The following FRMPD3 variants were observed in gnomAD, a reference collection of about 807,000 sequenced individuals.
FRMPD3 encodes FERM and PDZ domain-containing protein 3.
Under a neutral mutation model 97.9 loss-of-function variants are expected in FRMPD3, and 42 were observed. The observed-to-expected ratio is 0.43, with a 90% confidence interval of 0.34 to 0.55. FRMPD3 has a LOEUF of 0.55. FRMPD3 is among the 20% of genes least tolerant of loss of function. The pLI is 0.03. For synonymous variants in FRMPD3, 577 were observed against 581.1 expected (o/e 0.99, Z 0.10); for missense variants, 1,303 against 1,457.7 (o/e 0.89, Z 1.73).
intron 1 of FRMPD3, among the ~76,000 whole-genome samples, chrX:107,479,865 C>CACACAG (rs548134899): frequency 6.9e-5 from 4 of 57,870 alleles, no homozygotes; most frequent in East Asian, 5.5e-4. Context: ...CACACACACA[C>CACACAG]AGAGAGAGAG....
At chrX:107,457,613 A>G (rs1339399767) in intron 1 of FRMPD3, among the ~76,000 whole-genome samples, 4 of 112,107 alleles carry the variant, frequency 3.6e-5, no homozygotes, top group Non-Finnish European at 7.5e-5. Flanking sequence ...TCCACCCAAT[A>G]TGGAGGCTGT....
intron 1 of FRMPD3, among the ~76,000 whole-genome samples, chrX:107,489,436 G>C (rs1921596986): frequency 9.0e-6 from 1 of 111,714 alleles, no homozygotes; most frequent in Non-Finnish European, 1.9e-5. Flanking sequence ...GGTTGAAAGA[G>C]TTTACAGTCC....
At chrX:107,599,673 C>T (rs1164248197) in intron 14 of FRMPD3, among the ~76,000 whole-genome samples, 1 of 112,405 alleles carries the variant, frequency 8.9e-6, no homozygotes. Flanking sequence ...GATTAGCATG[C>T]TGTTTTGCAT....
intron 1 of FRMPD3, among the ~76,000 whole-genome samples, chrX:107,468,044 T>C (rs745608216): frequency 9.9e-5 from 11 of 111,529 alleles, no homozygotes; most frequent in African/African-American, 3.6e-4. Flanking sequence ...CCGCATTGGG[T>C]TTCTGCAGAT....
At chrX:107,540,369 A>G (rs1921237104) in intron 4 of FRMPD3, among the ~76,000 whole-genome samples, 1 of 112,208 alleles carries the variant, frequency 8.9e-6, no homozygotes, top group Non-Finnish European at 1.9e-5. Flanking sequence ...GTTTTTTTTC[A>G]GTTACCAAAG....
intron 4 of FRMPD3, among the ~76,000 whole-genome samples, chrX:107,543,266 A>AT (rs1044289342): frequency 1.4e-4 from 16 of 110,894 alleles, no homozygotes; most frequent in Non-Finnish European, 2.5e-4. Flanking sequence ...GTGGTTTACA[A>AT]GGTCCTACAT....
At chrX:107,453,548 A>G (rs957322042) in intron 1 of FRMPD3, among the ~76,000 whole-genome samples, 2 of 111,614 alleles carry the variant, frequency 1.8e-5, no homozygotes, top group Non-Finnish European at 3.8e-5. Flanking sequence ...CCTTTTTACC[A>G]TAAGTTCAGA....
At chrX:107,595,675 C>T (rs763554380) in intron 13 of FRMPD3, among the ~76,000 whole-genome samples, 2 of 110,937 alleles carry the variant, frequency 1.8e-5, no homozygotes, top group Non-Finnish European at 3.8e-5. Flanking sequence ...CGGTGGGTCA[C>T]GCCTGTAATC....
intron 12 of FRMPD3, among the ~76,000 whole-genome samples, chrX:107,565,501 C>A (rs1471468339): frequency 9.0e-6 from 1 of 110,776 alleles, no homozygotes; most frequent in East Asian, 2.8e-4. Flanking sequence ...TGAGACCAGC[C>A]TGGGCAACAT....
In FRMPD3 at chrX:107,570,984, AT is replaced by A. The variant is rs1443316015; in HGVS notation, c.1297-5329del. 2.7e-5 allele frequency among the ~76,000 whole-genome samples: 3 copies of A among 111,898 alleles called. No homozygotes were observed. The Admixed American group carries it at 2.8e-4, about 11-fold the overall frequency. On this transcript the variant is annotated intron_variant, in intron 12 of 14. Transcript: ENST00000683843. ...ATTTGAAGATGGCCTGGGCATATTA[AT>A]TAGTTTTCACTCAGCTTACTTGCTC... is the stretch of plus-strand genomic sequence containing the variant.
intron 8 of FRMPD3, 51 bp from the exon 9 acceptor site, chrX:107,560,206 G>A: frequency 8.5e-7 from 1 of 1,181,395 alleles, no homozygotes; most frequent in Non-Finnish European, 1.1e-6. Context: ...TCAGGGGGTG[G>A]GGAAGGAATG....
At chrX:107,553,339 T>C (rs1418267237) in intron 7 of FRMPD3, among the ~76,000 whole-genome samples, 2 of 106,064 alleles carry the variant, frequency 1.9e-5, no homozygotes, top group Non-Finnish European at 3.9e-5. Flanking sequence ...CTCCCACTTA[T>C]CCTAGGACAA....
Position 107,604,711 on chromosome X carries a change from T to C in FRMPD3, c.*1338T>C, listed in dbSNP as rs1924750459. 1 of 110,026 alleles carries C rather than the reference T, an allele frequency of 9.1e-6. No homozygotes were observed. Among genetic ancestry groups the C allele is most frequent in the Non-Finnish European group, 1.9e-5 (1 of 52,751 alleles). 9.1% of individuals were successfully genotyped at this position (110,026 alleles called of 1,213,427 possible). ...ATTGCTTCTCGTCCGCCTCTCCATA[T>C]CTCCCCATTTCCCACACCCTTGTGC... On this transcript the variant is annotated 3_prime_UTR_variant, in exon 15 of 15. Transcript: ENST00000683843.
intron 1 of FRMPD3, among the ~76,000 whole-genome samples, chrX:107,455,297 G>C (rs769417110): frequency 1.8e-5 from 2 of 112,292 alleles, no homozygotes; most frequent in African/African-American, 6.5e-5. Flanking sequence ...GCTCAGGCCT[G>C]TAATCCTAAC....
chrX:107,570,772 C>T (rs1448939740), intron 12 of FRMPD3, among the ~76,000 whole-genome samples: 2 of 111,462 alleles, frequency 1.8e-5, no homozygotes, highest in East Asian at 5.6e-4. Flanking sequence ...TTCAGGGATG[C>T]TAGAGTGAGC....
chrX:107,595,143 C>A (rs1161412011), intron 13 of FRMPD3, among the ~76,000 whole-genome samples: 1 of 109,813 alleles, frequency 9.1e-6, no homozygotes, highest in African/African-American at 3.3e-5. Flanking sequence ...ATGGTGAAAC[C>A]TCATGTCTAC....
intron 1 of FRMPD3, among the ~76,000 whole-genome samples, chrX:107,516,207 T>A (rs1368459382): frequency 9.1e-5 from 10 of 110,135 alleles, no homozygotes; most frequent in African/African-American, 3.0e-4. Context: ...ACATGAACTC[T>A]TCATTTTTTA....
intron 1 of FRMPD3, among the ~76,000 whole-genome samples, chrX:107,451,262 C>A (rs1469592735): frequency 8.9e-6 from 1 of 112,304 alleles, no homozygotes; most frequent in Non-Finnish European, 1.9e-5. Flanking sequence ...TCTCTGGACT[C>A]CTGCCTTCGG....
chrX:107,477,935 C>T lies in FRMPD3; in HGVS notation c.-8+27930C>T, dbSNP rs895547528. 9.0e-5 allele frequency among the ~76,000 whole-genome samples: 10 copies of T among 111,503 alleles called. No homozygotes were observed. The South Asian group carries it at 1.1e-3, about 13-fold the overall frequency. ...CCATCTTATGCCAGAGATGCCCTCT[C>T]CTTGTCTCTACTAATCCAAAGCATG... On this transcript the variant is annotated intron_variant, in intron 1 of 14. Transcript: ENST00000683843.
Sources: allele counts gnomAD v4.1 joint callset (sites outside exome capture counted in the v4.1 genomes callset), GRCh38; gene constraint gnomAD v4.1.1; transcripts MANE v1.5; gene names NCBI Gene and HGNC (gene_info 2026-07-23, HGNC 2026-07-21).